C4orf33: variants seen among roughly 807,000 people sequenced by gnomAD.
C4orf33 encodes UPF0462 protein C4orf33.
Under a neutral mutation model 24.3 loss-of-function variants are expected in C4orf33, and 20 were observed. The observed-to-expected ratio is 0.82, with a 90% CI of 0.58 to 1.19. C4orf33 has a LOEUF of 1.19. Ranked by LOEUF, C4orf33 falls within the 50% of genes most tolerant of loss-of-function variation. The pLI is 0.00. For synonymous variants in C4orf33, 67 were observed against 76.4 expected (o/e 0.88, Z 0.64); for missense variants, 207 against 225.9 (o/e 0.92, Z 0.54).
At chr4:129,110,938 G>A (rs932515102) in intron 5 of C4orf33, among the ~76,000 whole-genome samples, 11 of 152,050 alleles carry the variant, frequency 7.2e-5, no homozygotes, top group South Asian at 4.1e-4. Flanking sequence ...AGACAAACAT[G>A]TAGTTGCAAC....
At chr4:129,108,935 G>A (rs1437007233) in intron 3 of C4orf33, among the ~76,000 whole-genome samples, 14 of 151,762 alleles carry the variant, frequency 9.2e-5, no homozygotes, top group Admixed American at 9.2e-4. Context: ...TTGCCACGCT[G>A]GAGTACAGTG....
At chr4:129,093,852 C>T (rs1753077611), upstream of C4orf33, 2 of 152,538 alleles carry the variant, frequency 1.3e-5, no homozygotes, top group Admixed American at 6.5e-5. Context: ...GAATGAAATA[C>T]ACAGTTTAAA....
intron 2 of C4orf33, among the ~76,000 whole-genome samples, chr4:129,105,552 G>A (rs1307015774): frequency 2.0e-5 from 3 of 152,074 alleles, no homozygotes; most frequent in Non-Finnish European, 4.4e-5. Context: ...GCAGAATTAT[G>A]TCTATATTTT....
intron 5 of C4orf33, 100 bp downstream of exon 5, chr4:129,109,772 CAT>C (rs1753633539): frequency 2.9e-6 from 3 of 1,043,784 alleles, no homozygotes; most frequent in African/African-American, 3.2e-5. Context: ...AAGAAGACGA[CAT>C]ATGTGCACAA....
In C4orf33 at chr4:129,105,412, AAT is replaced by A. The variant is rs536769500; in HGVS notation, c.182-1172_182-1171del. On this transcript the variant is annotated intron_variant, in intron 2 of 5. Coordinates refer to ENST00000425929, the MANE Select transcript of C4orf33 (RefSeq NM_001099783.2). Reference sequence around the variant, plus strand: ...ATGGCTTCACAGAAACAACTAGAATAATATGTTACAAAATATCTGGATACCAT... The same window carrying A: ...ATGGCTTCACAGAAACAACTAGAATAATGTTACAAAATATCTGGATACCAT... Among the ~76,000 whole-genome samples, 413 of 152,304 alleles carry A rather than the reference AAT, an allele frequency of 2.7e-3. 6 individuals are homozygous for A. The highest frequency in any genetic ancestry group is 6.2e-3 in the East Asian group (32 of 5,190).
upstream of C4orf33, among the ~76,000 whole-genome samples, chr4:129,094,647 A>G (rs557376967): frequency 2.0e-5 from 3 of 152,356 alleles, no homozygotes; most frequent in Admixed American, 2.0e-4. Flanking sequence ...TCCTCTAAAG[A>G]CTAGCTGTTA....
upstream of C4orf33, among the ~76,000 whole-genome samples, chr4:129,095,444 G>C (rs1753175087): frequency 6.6e-6 from 1 of 152,190 alleles, no homozygotes; most frequent in Non-Finnish European, 1.5e-5. Context: ...GGATGTTCAT[G>C]AAAAGTATCT....
chr4:129,098,285 G>A (rs966047374), intron 1 of C4orf33, among the ~76,000 whole-genome samples: 2 of 152,136 alleles, frequency 1.3e-5, no homozygotes, highest in Non-Finnish European at 2.9e-5. Flanking sequence ...AGTGAGCATA[G>A]TACCCAGTAG....
chr4:129,096,433 T>G (rs544709449), intron 1 of C4orf33, among the ~76,000 whole-genome samples: 9 of 152,294 alleles, frequency 5.9e-5, no homozygotes, highest in Non-Finnish European at 1.3e-4. Context: ...AAGAAATCAT[T>G]ATTGTAGAAA....
chr4:129,111,246 C>T (rs1006459374), intron 5 of C4orf33, among the ~76,000 whole-genome samples: 2 of 152,220 alleles, frequency 1.3e-5, no homozygotes, highest in African/African-American at 4.8e-5. Context: ...TTTACATTAA[C>T]CTCTCTTGCT....
intron 1 of C4orf33, among the ~76,000 whole-genome samples, chr4:129,096,723 T>C (rs191647846): frequency 2.0e-5 from 3 of 152,244 alleles, no homozygotes; most frequent in Admixed American, 2.0e-4. Context: ...AGTAGAAACA[T>C]ACAGAGTAAC....
chr4:129,097,911 A>G (rs1361845784), intron 1 of C4orf33, among the ~76,000 whole-genome samples: 2 of 152,220 alleles, frequency 1.3e-5, no homozygotes, highest in South Asian at 2.1e-4. Context: ...TTCTGTCATT[A>G]TAAGTGAACA....
Position 129,102,779 on chromosome 4 carries a change from T to C in C4orf33, c.169T>C (p.Trp57Arg). The change falls in exon 2 of 6, where the codon TGG becomes CGG. Residue 57 changes from tryptophan to arginine, a missense_variant. Transcript: ENST00000425929. ...GEPGKPFNELWDYEVVEAFFL... is the reference protein window; with the variant it reads ...GEPGKPFNELRDYEVVEAFFL... ...ACCAGGAAAACCTTTCAATGAACTG[T>C]GGGATTATGAAGGTAAGTGGAAGTA... 1 of 1,612,534 alleles carries C rather than the reference T, an allele frequency of 6.2e-7. No individual in the cohort carries two copies. The highest frequency in any genetic ancestry group is 1.3e-5 in the African/African-American group (1 of 74,918).
At chr4:129,100,632 A>G (rs1425784051) in intron 1 of C4orf33, 3 of 152,186 alleles carry the variant, frequency 2.0e-5, no homozygotes, top group Admixed American at 6.5e-5. Flanking sequence ...GTGGAAACCC[A>G]CTGATTAAGA....
chr4:129,094,965 C>T (rs922876625), upstream of C4orf33, among the ~76,000 whole-genome samples: 3 of 152,136 alleles, frequency 2.0e-5, no homozygotes, highest in African/African-American at 4.8e-5. Flanking sequence ...CTTAACTCTA[C>T]GCTTACACCC....
intron 1 of C4orf33, 43 bp from the exon 2 acceptor site, chr4:129,102,559 T>C: frequency 7.1e-7 from 1 of 1,399,114 alleles, no homozygotes; most frequent in Non-Finnish European, 9.8e-7. Context: ...AAGAAAACAT[T>C]TGTATATTGT....
At chr4:129,110,809 A>G (rs1753675152) in intron 5 of C4orf33, among the ~76,000 whole-genome samples, 1 of 151,184 alleles carries the variant, frequency 6.6e-6, no homozygotes, top group African/African-American at 2.4e-5. Context: ...CATAGCTTTT[A>G]CCTAGTCTTT....
chr4:129,103,826 C>A (rs1020735651), intron 2 of C4orf33, among the ~76,000 whole-genome samples: 2 of 152,186 alleles, frequency 1.3e-5, no homozygotes, highest in African/African-American at 2.4e-5. Flanking sequence ...AGATCTAATT[C>A]ATGTCCCATT....
rs1344676158 is a variant in C4orf33, at chr4:129,115,417, A to G, written c.*3626A>G. On this transcript the variant is annotated 3_prime_UTR_variant, in exon 6 of 6. Coordinates refer to ENST00000425929, the MANE Select transcript of C4orf33 (RefSeq NM_001099783.2). ...TCAGTTATGTGGAACACCTGTGGGA[A>G]TCTGCTAATCTACTCTGACGTATAT... is the stretch of plus-strand genomic sequence containing the variant. 6.6e-6 allele frequency: 1 copy of G among 152,158 alleles called. No homozygotes were observed. The highest frequency in any genetic ancestry group is 1.5e-5 in the Non-Finnish European group (1 of 68,044). The allele number at this position is 152,158 out of a possible 1,614,324, so 9.4% of individuals were successfully genotyped here. A position where few individuals can be genotyped will look rare whatever the true frequency, so the allele number is the denominator to read the frequency against.
Sources: allele counts gnomAD v4.1 joint callset (sites outside exome capture counted in the v4.1 genomes callset), GRCh38; gene constraint gnomAD v4.1.1; transcripts MANE v1.5; gene names NCBI Gene and HGNC (gene_info 2026-07-23, HGNC 2026-07-21).